DCDC2: variants seen among roughly 807,000 people sequenced by gnomAD.
DCDC2 encodes the protein doublecortin domain-containing protein 2.
DCDC2 carries 40 observed loss-of-function variants against 50.2 expected under a neutral mutation model. The ratio of observed to expected loss-of-function variants is 0.80; its 90% CI spans 0.62 to 1.04. The LOEUF (loss-of-function observed/expected upper bound fraction) is 1.04. Among genes scored for constraint, DCDC2 ranks in the 50% least tolerant of loss-of-function variants. DCDC2 has a pLI of 0.00. For missense variants in DCDC2, 570 were observed against 581.9 expected (o/e 0.98, Z 0.21); for synonymous variants, 234 against 210.6 (o/e 1.11, Z -0.96).
chr6:24,300,232 A>G (rs1031747621), intron 4 of DCDC2, among the ~76,000 whole-genome samples: 1 of 151,984 alleles, frequency 6.6e-6, no homozygotes, highest in Admixed American at 6.5e-5. Context: ...TCTACAAAAA[A>G]GAAAAAAAAA....
chr6:24,339,411 C>T (rs1359513510), intron 2 of DCDC2, among the ~76,000 whole-genome samples: 1 of 152,120 alleles, frequency 6.6e-6, no homozygotes, highest in Non-Finnish European at 1.5e-5. Flanking sequence ...CATTGCAAAT[C>T]CAACTAACAT....
chr6:24,229,515 G>A (rs1267580753), intron 7 of DCDC2, among the ~76,000 whole-genome samples: 1 of 152,066 alleles, frequency 6.6e-6, no homozygotes, highest in African/African-American at 2.4e-5. Flanking sequence ...CCTGGTTTGA[G>A]TGAGAATCTT....
At chr6:24,239,132 G>C (rs2113789917) in intron 7 of DCDC2, among the ~76,000 whole-genome samples, 1 of 152,254 alleles carries the variant, frequency 6.6e-6, no homozygotes, top group African/African-American at 2.4e-5. Context: ...CATAGTCCTA[G>C]CCCTCAAGCA....
At chr6:24,359,232 T>TATATTA (rs1760590429), upstream of DCDC2, among the ~76,000 whole-genome samples, 1 of 32,924 alleles carries the variant, frequency 3.0e-5, no homozygotes, top group African/African-American at 2.1e-4. Context: ...TTTATATATT[T>TATATTA]TATATATTTT....
the DCDC2 span, among the ~76,000 whole-genome samples, chr6:24,381,370 A>T: frequency 6.6e-6 from 1 of 152,222 alleles, no homozygotes; most frequent in African/African-American, 2.4e-5. Flanking sequence ...AAAGCCAGAC[A>T]CAGTGAGATC....
At chr6:24,292,450 A>C (rs1334531347) in intron 4 of DCDC2, among the ~76,000 whole-genome samples, 1 of 152,222 alleles carries the variant, frequency 6.6e-6, no homozygotes, top group Non-Finnish European at 1.5e-5. Flanking sequence ...AGCCACCAAC[A>C]TTCCTGAAAT....
rs578074442 is a variant in DCDC2, at chr6:24,325,232, C to T, written c.349-23188G>A. Among the ~76,000 whole-genome samples, 180 of 150,088 alleles carry T rather than the reference C, an allele frequency of 1.2e-3. 16 individuals carry two copies. In the South Asian group the frequency reaches 0.017, roughly 14 times the overall value. On this transcript the variant is annotated intron_variant, in intron 2 of 9. Coordinates refer to ENST00000378454, the MANE Select transcript of DCDC2 (RefSeq NM_016356.5). ...CTTCTCCTCGGTTCTCAAATAAAAGCGCTCACTTACATTTGCCATCTTTAT... is the reference window on the plus strand; with the variant it reads ...CTTCTCCTCGGTTCTCAAATAAAAGTGCTCACTTACATTTGCCATCTTTAT...
intron 8 of DCDC2, among the ~76,000 whole-genome samples, chr6:24,180,385 T>C (rs1032454896): frequency 3.8e-4 from 58 of 152,050 alleles, no homozygotes; most frequent in South Asian, 1.5e-3. Flanking sequence ...CCCCGGTTCA[T>C]GCCATTCTCC....
chr6:24,303,009 C>T (rs1175170887), intron 2 of DCDC2, among the ~76,000 whole-genome samples: 2 of 152,004 alleles, frequency 1.3e-5, no homozygotes, highest in Non-Finnish European at 2.9e-5. Context: ...CATTTTTCTC[C>T]TTTTCTGCCT....
intron 7 of DCDC2, among the ~76,000 whole-genome samples, chr6:24,268,384 A>C (rs1581621791): frequency 6.6e-6 from 1 of 152,006 alleles, no homozygotes; most frequent in Non-Finnish European, 1.5e-5. Flanking sequence ...CTACTCAGGA[A>C]GCTAAGGCAC....
chr6:24,278,253 C>T (rs768894812), intron 6 of DCDC2, 42 bp from the exon 7 acceptor site: 1 of 1,538,354 alleles, frequency 6.5e-7, no homozygotes, highest in South Asian at 1.2e-5. Context: ...AGCTAATGAA[C>T]TCTCAAAAAC....
chr6:24,281,080 G>C (rs1008525932), intron 6 of DCDC2, among the ~76,000 whole-genome samples: 5 of 152,046 alleles, frequency 3.3e-5, no homozygotes, highest in Non-Finnish European at 7.4e-5. Context: ...GTCTTTCTAA[G>C]TCACCACTCT....
At chr6:24,371,034 G>C in the DCDC2 span, among the ~76,000 whole-genome samples, 2 of 152,238 alleles carry the variant, frequency 1.3e-5, no homozygotes, top group South Asian at 4.1e-4. Flanking sequence ...CCAGCACTAT[G>C]GGAGGCCGAG....
chr6:24,355,070 T>A (rs897294119), intron 1 of DCDC2, among the ~76,000 whole-genome samples: 1 of 152,148 alleles, frequency 6.6e-6, no homozygotes, highest in African/African-American at 2.4e-5. Context: ...ATATTCAACA[T>A]TCAAGTATTC....
At chr6:24,382,009 A>AAGGAAGGC in the DCDC2 span, among the ~76,000 whole-genome samples, 20,033 of 115,518 alleles carry the variant, frequency 0.17, 2,236 homozygotes, top group Middle Eastern at 0.23. Flanking sequence ...GGAAGGAAGG[A>AAGGAAGGC]AGGCAGGCAA....
intron 7 of DCDC2, among the ~76,000 whole-genome samples, chr6:24,227,247 T>G (rs1012327392): frequency 2.6e-5 from 4 of 152,134 alleles, no homozygotes; most frequent in Admixed American, 2.6e-4. Flanking sequence ...GATGCCAGTT[T>G]TGTGACTCAG....
chr6:24,182,862 A>G (rs1400149950), intron 8 of DCDC2, among the ~76,000 whole-genome samples: 1 of 152,242 alleles, frequency 6.6e-6, no homozygotes, highest in Non-Finnish European at 1.5e-5. Flanking sequence ...CCAAGTTTAT[A>G]GGAGAATTAT....
intron 2 of DCDC2, among the ~76,000 whole-genome samples, chr6:24,318,536 T>C (rs1447263169): frequency 6.6e-6 from 1 of 152,108 alleles, no homozygotes; most frequent in Non-Finnish European, 1.5e-5. Flanking sequence ...AAGTAATTTC[T>C]CATCATTCAT....
chr6:24,187,011 G>T lies in DCDC2; in HGVS notation c.1024-8379C>A, dbSNP rs534645571. On this transcript the variant is annotated intron_variant, in intron 8 of 9. Transcript: ENST00000378454. Reference sequence around the variant, plus strand: ...CCTCCAGAGCTGTGAGAAAATAAATGTCTGCTGTTTAAGTCCCCTAGTCTG... The same window carrying T: ...CCTCCAGAGCTGTGAGAAAATAAATTTCTGCTGTTTAAGTCCCCTAGTCTG... Among the ~76,000 whole-genome samples the T allele has an allele frequency of 3.3e-5, 5 of 152,260 alleles. No individual in the cohort carries two copies. The South Asian group carries it at 1.0e-3, about 32-fold the overall frequency.
Sources: allele counts gnomAD v4.1 joint callset (sites outside exome capture counted in the v4.1 genomes callset), GRCh38; gene constraint gnomAD v4.1.1; transcripts MANE v1.5; gene names NCBI Gene and HGNC (gene_info 2026-07-23, HGNC 2026-07-21).